AAGAB: variants seen among roughly 807,000 people sequenced by gnomAD.
The protein encoded by AAGAB is alpha- and gamma-adaptin-binding protein p34.
In AAGAB, 38 loss-of-function variants were observed where a neutral mutation model predicts 44.1. The ratio of observed to expected loss-of-function variants is 0.86; its 90% CI spans 0.67 to 1.13. AAGAB has a LOEUF of 1.13. Ranked by LOEUF, AAGAB falls within the 50% of genes most tolerant of loss-of-function variation. The pLI, the probability that AAGAB is intolerant of heterozygous loss-of-function variation, is 0.00. For missense variants in AAGAB, 450 were observed against 373.8 expected (o/e 1.20, Z -1.68); for synonymous variants, 131 against 131.8 (o/e 0.99, Z 0.04).
chr15:67,221,284 C>T (rs1964059223), intron 5 of AAGAB: 1 of 152,192 alleles, frequency 6.6e-6, no homozygotes, highest in Admixed American at 6.5e-5. Context: ...AAAATTTTCA[C>T]CACTGTTCTC....
intron 4 of AAGAB, among the ~76,000 whole-genome samples, chr15:67,233,210 CT>C (rs1964382687): frequency 6.6e-6 from 1 of 152,156 alleles, no homozygotes; most frequent in Non-Finnish European, 1.5e-5. Context: ...TATAGAAGAA[CT>C]TCTTGATCAG....
chr15:67,232,644 A>C (rs1352073035), intron 4 of AAGAB: 10 of 320,706 alleles, frequency 3.1e-5, no homozygotes, highest in Non-Finnish European at 5.7e-5. Context: ...TGGTGGCAAG[A>C]CTACTGGCTT....
At chr15:67,212,083 G>A (rs1441809610) in intron 5 of AAGAB, among the ~76,000 whole-genome samples, 2 of 152,060 alleles carry the variant, frequency 1.3e-5, no homozygotes, top group African/African-American at 2.4e-5. Flanking sequence ...GGGTTTCACC[G>A]TGTTAGCCAG....
chr15:67,222,427 C>T (rs1964105093), intron 5 of AAGAB, among the ~76,000 whole-genome samples: 1 of 151,816 alleles, frequency 6.6e-6, no homozygotes, highest in Non-Finnish European at 1.5e-5. Context: ...ACATTTTCTC[C>T]TCTCTCCTCA....
At chr15:67,209,694 C>T (rs1359423647) in intron 5 of AAGAB, 150 bp from the exon 6 acceptor site, 4 of 662,606 alleles carry the variant, frequency 6.0e-6, no homozygotes, top group Non-Finnish European at 7.7e-6. Context: ...ACTCTGTAGC[C>T]CAGGCTAGAG....
At chr15:67,210,488 G>T (rs982441142) in intron 5 of AAGAB, among the ~76,000 whole-genome samples, 2 of 150,850 alleles carry the variant, frequency 1.3e-5, no homozygotes, top group Admixed American at 6.6e-5. Flanking sequence ...TGCACTCCAG[G>T]CTAGGCAACA....
At chr15:67,236,945 G>C in intron 1 of AAGAB, 125 bp from the exon 2 acceptor site, 1 of 670,452 alleles carries the variant, frequency 1.5e-6, no homozygotes, top group East Asian at 2.8e-5. Context: ...GATTTCAAAG[G>C]ACCCTGCATT....
chr15:67,203,654 A>G (rs1342272519), intron 8 of AAGAB, 57 bp from the exon 9 acceptor site: 18 of 1,443,326 alleles, frequency 1.2e-5, no homozygotes, highest in Non-Finnish European at 1.2e-5. Flanking sequence ...AACCTGGAGT[A>G]TATGAATAAC....
chr15:67,209,326 C>A, intron 6 of AAGAB, 136 bp downstream of exon 6: 1 of 810,304 alleles, frequency 1.2e-6, no homozygotes, highest in Non-Finnish European at 2.0e-6. Context: ...TGTTTTAGAC[C>A]TTCCTTTCAT....
chr15:67,226,397 C>T (rs1380126089), intron 5 of AAGAB, among the ~76,000 whole-genome samples: 2 of 152,280 alleles, frequency 1.3e-5, no homozygotes, highest in South Asian at 2.1e-4. Flanking sequence ...GCTGGGATTT[C>T]GGGCGTGAGA....
chr15:67,254,641 C>G lies in AAGAB; in HGVS notation c.-10G>C, dbSNP rs115599985. ...GTACGCCAGCAGCCATAGCTGCGCTCGCGAGCCGGTTCCGTCAGGCAGCCG... is the reference window on the plus strand; with the variant it reads ...GTACGCCAGCAGCCATAGCTGCGCTGGCGAGCCGGTTCCGTCAGGCAGCCG... On this transcript the variant is annotated 5_prime_UTR_variant, in exon 1 of 10. Coordinates refer to ENST00000261880, the MANE Select transcript of AAGAB (RefSeq NM_024666.5). The G allele has an allele frequency of 1.3e-6, 2 of 1,580,930 alleles. No individual in the cohort carries two copies. Among genetic ancestry groups the G allele is most frequent in the Non-Finnish European group, 1.7e-6 (2 of 1,168,016 alleles).
upstream of AAGAB, chr15:67,254,721 AG>A (rs1965041236): frequency 7.1e-7 from 1 of 1,412,578 alleles, no homozygotes; most frequent in South Asian, 1.2e-5. Flanking sequence ...CAGGCCGGAG[AG>A]GGCGTTCTCG....
upstream of AAGAB, chr15:67,254,871 G>A (rs758655425): frequency 1.2e-6 from 2 of 1,611,296 alleles, no homozygotes; most frequent in East Asian, 2.2e-5. Context: ...GCGCCTCCGC[G>A]GAGGTAGCCG....
chr15:67,253,329 G>GAGGT (rs1964937917), intron 1 of AAGAB, among the ~76,000 whole-genome samples: 1 of 151,654 alleles, frequency 6.6e-6, no homozygotes, highest in African/African-American at 2.4e-5. Context: ...TTGGGAGGCT[G>GAGGT]AGGTAGGGGG....
At chr15:67,251,787 C>T (rs1964879680) in intron 1 of AAGAB, among the ~76,000 whole-genome samples, 1 of 152,188 alleles carries the variant, frequency 6.6e-6, no homozygotes, top group Non-Finnish European at 1.5e-5. Context: ...TATGCGGGCT[C>T]CATCTCTTAC....
At chr15:67,246,888 A>C (rs1228421363) in intron 1 of AAGAB, among the ~76,000 whole-genome samples, 3 of 152,238 alleles carry the variant, frequency 2.0e-5, no homozygotes, top group Non-Finnish European at 2.9e-5. Context: ...AAATAAGGGA[A>C]TAAAAGCTGG....
intron 5 of AAGAB, among the ~76,000 whole-genome samples, chr15:67,220,791 G>T (rs1170854694): frequency 2.0e-5 from 3 of 152,154 alleles, no homozygotes; most frequent in Non-Finnish European, 4.4e-5. Context: ...TTTAGGCCAA[G>T]TACTTCTCAA....
intron 5 of AAGAB, among the ~76,000 whole-genome samples, chr15:67,222,711 C>G (rs1054202778): frequency 8.5e-5 from 13 of 152,136 alleles, no homozygotes; most frequent in Non-Finnish European, 5.9e-5. Flanking sequence ...CTTCTCTCTC[C>G]TACTTCATCC....
At chr15:67,240,178 A>C (rs1232522552) in intron 1 of AAGAB, among the ~76,000 whole-genome samples, 1 of 152,234 alleles carries the variant, frequency 6.6e-6, no homozygotes, top group East Asian at 1.9e-4. Flanking sequence ...ACGGATCTGC[A>C]GCACAATTAA....
Sources: allele counts gnomAD v4.1 joint callset (sites outside exome capture counted in the v4.1 genomes callset), GRCh38; gene constraint gnomAD v4.1.1; transcripts MANE v1.5; gene names NCBI Gene and HGNC (gene_info 2026-07-23, HGNC 2026-07-21).